The following JMJD6 variants were observed in gnomAD, a reference collection of about 807,000 sequenced individuals.
The protein encoded by JMJD6 is bifunctional arginine demethylase and lysyl-hydroxylase JMJD6.
Under a neutral mutation model 45.8 loss-of-function variants are expected in JMJD6, and 17 were observed. The observed-to-expected ratio is 0.37, with a 90% confidence interval of 0.25 to 0.56. The LOEUF is 0.56. JMJD6 is among the 20% of genes least tolerant of loss of function. The pLI is 0.79. For synonymous variants in JMJD6, 221 were observed against 196.3 expected (o/e 1.13, Z -1.05); for missense variants, 470 against 517.5 (o/e 0.91, Z 0.89).
chr17:76,716,459 G>A, downstream of JMJD6: 1 of 529,910 alleles, frequency 1.9e-6, no homozygotes, highest in East Asian at 3.1e-5. Flanking sequence ...CATCCCATTA[G>A]CTTCAGTGTT....
intron 4 of JMJD6, chr17:76,721,088 G>C (rs558857084): frequency 5.7e-6 from 1 of 176,074 alleles, no homozygotes; most frequent in Non-Finnish European, 1.3e-5. Flanking sequence ...AGTGACAAAA[G>C]ACCTGTTGTA....
At position 76,725,493 on chromosome 17, in the gene JMJD6, A is replaced by G; in HGVS notation, c.492T>C (p.Ala164=). 1 of 1,612,838 alleles carries G rather than the reference A, an allele frequency of 6.2e-7. No individual in the cohort carries two copies. Residue 164 remains alanine (A), a synonymous_variant, in exon 2 of 6, where the codon GCT becomes GCC. Transcript: ENST00000397625. The part of the protein sequence containing the change: ...KFFTDDLFQY[A]GEKRRPPYRW... Reference sequence around the variant, plus strand: ...TGTAAGGGGGCCTGCGCTTCTCCCCAGCATACTGGAAAAGGTCATCAGTGA... The same window carrying G: ...TGTAAGGGGGCCTGCGCTTCTCCCCGGCATACTGGAAAAGGTCATCAGTGA...
chr17:76,724,493 G>A (rs1484921870), intron 2 of JMJD6, among the ~76,000 whole-genome samples: 1 of 152,056 alleles, frequency 6.6e-6, no homozygotes, highest in East Asian at 1.9e-4. Flanking sequence ...GAAACACTGG[G>A]TGCATTGTTC....
Position 76,726,508 on chromosome 17 carries a change from C to G in JMJD6, c.-33G>C, listed in dbSNP as rs1047034478. The G allele has an allele frequency of 6.3e-7, 1 of 1,575,916 alleles. No individual in the cohort carries two copies. Among genetic ancestry groups the G allele is most frequent in the Non-Finnish European group, 8.6e-7 (1 of 1,162,428 alleles). On this transcript the variant is annotated 5_prime_UTR_variant, in exon 1 of 6. Coordinates refer to ENST00000397625, the MANE Select transcript of JMJD6 (RefSeq NM_015167.3). ...GGTCGCCAGCTGGTTCCGCTACGAC[C>G]TCGGCGCAGCCCGCTTCCTGACACT...
intron 5 of JMJD6, 38 bp from the exon 6 acceptor site, chr17:76,718,898 G>T: frequency 6.3e-7 from 1 of 1,597,696 alleles, no homozygotes; most frequent in Non-Finnish European, 8.5e-7. Flanking sequence ...AGTCAACCTG[G>T]ATGCAACCCA....
chr17:76,717,939 C>G (rs914043222), downstream of JMJD6, among the ~76,000 whole-genome samples: 6 of 150,846 alleles, frequency 4.0e-5, no homozygotes, highest in African/African-American at 1.2e-4. Flanking sequence ...TACAATAAGC[C>G]GAGATCGCAT....
At position 76,726,410 on chromosome 17, in the gene JMJD6, G is replaced by C. The variant is rs2076936759; in HGVS notation, c.66C>G (p.Asp22Glu). The change falls in exon 1 of 6, where the codon GAC becomes GAG. Residue 22 changes from aspartate to glutamate, a missense_variant. Transcript: ENST00000397625. The part of the protein sequence containing the change: ...AKRSARPELK[D>E]SLDWTRHNYY... ...AGTTGTGCCGGGTCCAATCCAGCGA[G>C]TCCTTGAGCTCCGGCCGCGCACTCC... 2 of 1,605,306 alleles carry C rather than the reference G, an allele frequency of 1.2e-6. No individual in the cohort carries two copies. The highest frequency in any genetic ancestry group is 1.7e-5 in the Admixed American group (1 of 59,472).
Position 76,725,791 on chromosome 17 carries a change from C to G in JMJD6, c.194G>C (p.Arg65Thr). Residue 65 changes from arginine to threonine, a missense_variant, in exon 2 of 6, where the codon AGA (arginine) becomes ACA (threonine). Around this residue, in one of 4 missense-constraint regions of JMJD6, gnomAD observed 346 missense variants for 339.5 expected, o/e 1.02. Transcript: ENST00000397625. ...SVEEFVERYE[R>T]PYKPVVLLNA... ...CAACAAAACCACGGGCTTGTAAGGT[C>G]TTTCATACCGCTCCACAAATTCTTC... The G allele has an allele frequency of 6.2e-7, 1 of 1,613,888 alleles. No homozygotes were observed. The highest frequency in any genetic ancestry group is 8.5e-7 in the Non-Finnish European group (1 of 1,179,998).
At position 76,725,679 on chromosome 17, in the gene JMJD6, A is replaced by G. The variant is rs2076909511; in HGVS notation, c.306T>C (p.Gly102=). 1.2e-6 allele frequency: 2 copies of G among 1,613,952 alleles called. No homozygotes were observed. Among genetic ancestry groups the G allele is most frequent in the South Asian group, 2.2e-5 (2 of 91,074 alleles). ...TCACTGAGTAGCCATCGTTATCCTCACCACACTTGAACTTCTGGTTCCGAT... is the reference window on the plus strand; with the variant it reads ...TCACTGAGTAGCCATCGTTATCCTCGCCACACTTGAACTTCTGGTTCCGAT... ...RKYRNQKFKC[G]EDNDGYSVKM... Residue 102 remains glycine, a synonymous_variant, in exon 2 of 6, where the codon GGT becomes GGC. Transcript: ENST00000397625.
In JMJD6 at chr17:76,723,963, C is replaced by T. The variant is rs765486191; in HGVS notation, c.614G>A (p.Arg205His). ...AGTGCTGGTAGGAAACAGGCACCAG[C>T]GCTTGTGGCCCTGAACTAAGGCATT... Reference protein sequence around the residue: ...AWNALVQGHKRWCLFPTSTPR... With the variant: ...AWNALVQGHKHWCLFPTSTPR... Residue 205 changes from arginine to histidine, a missense_variant, in exon 3 of 6, where the codon CGC becomes CAC. Physicochemically the swap from Arg to His is conservative, Grantham distance 29. Transcript: ENST00000397625. The T allele has an allele frequency of 6.8e-6, 11 of 1,614,094 alleles. No homozygotes were observed. The highest frequency in any genetic ancestry group is 2.2e-5 in the South Asian group (2 of 91,076).
In JMJD6 at chr17:76,723,949, G is replaced by T. The variant is rs1301083029; in HGVS notation, c.628C>A (p.Pro210Thr). The change falls in exon 3 of 6, where the codon CCT (proline) becomes ACT (threonine). Residue 210 changes from proline to threonine, a missense_variant. This residue lies in a region of JMJD6 where 346 missense variants were observed against 339.5 expected (regional missense o/e 1.02). Transcript: ENST00000397625. ...VQGHKRWCLF[P>T]TSTPRELIKV... ...ATGAGTTCCCTGGGAGTGCTGGTAG[G>T]AAACAGGCACCAGCGCTTGTGGCCC... 6.2e-7 allele frequency: 1 copy of T among 1,613,998 alleles called. No homozygotes were observed. The highest frequency in any genetic ancestry group is 2.2e-5 in the East Asian group (1 of 44,902).
chr17:76,723,032 CTCT>C (rs2076847891), intron 3 of JMJD6, among the ~76,000 whole-genome samples: 2 of 151,028 alleles, frequency 1.3e-5, no homozygotes, highest in Admixed American at 1.3e-4. Flanking sequence ...CTGCAGCCTC[CTCT>C]TCCGGATTCA....
At chr17:76,720,327 G>A in intron 5 of JMJD6, 33 bp downstream of exon 5, 2 of 1,606,112 alleles carry the variant, frequency 1.2e-6, no homozygotes, top group Non-Finnish European at 1.7e-6. Context: ...AGCCTTGGAG[G>A]CTCCAGGAGT....
At position 76,718,512 on chromosome 17, in the gene JMJD6, C is replaced by G; in HGVS notation, c.*217G>C. 7.4e-7 allele frequency: 1 copy of G among 1,358,848 alleles called. No individual in the cohort carries two copies. The highest frequency in any genetic ancestry group is 9.4e-7 in the Non-Finnish European group (1 of 1,059,332). 84.2% of individuals were successfully genotyped at this position (1,358,848 alleles called of 1,614,324 possible). ...GGATTTTCTTGGCACTATTCACATTCTCTTGCCTGAGTAAAACAAGCCGCG... is the reference window on the plus strand; with the variant it reads ...GGATTTTCTTGGCACTATTCACATTGTCTTGCCTGAGTAAAACAAGCCGCG... On this transcript the variant is annotated 3_prime_UTR_variant, in exon 6 of 6. Transcript: ENST00000397625.
Position 76,718,698 on chromosome 17 carries a change from G to A in JMJD6, c.*31C>T, listed in dbSNP as rs757325965. ...CAGGCCCTGCCCTTGCCGCGAGCGT[G>A]TCCTTCCATACAGACAACAGCCTTG... On this transcript the variant is annotated 3_prime_UTR_variant, in exon 6 of 6. Transcript: ENST00000397625. 4 of 1,610,540 alleles carry A rather than the reference G, an allele frequency of 2.5e-6. No individual in the cohort carries two copies. The South Asian group carries it at 3.3e-5, about 13-fold the overall frequency.
At chr17:76,725,125 C>T (rs1264099964) in intron 2 of JMJD6, among the ~76,000 whole-genome samples, 1 of 152,120 alleles carries the variant, frequency 6.6e-6, no homozygotes, top group East Asian at 1.9e-4. Context: ...ATTTTAACCA[C>T]AGGCCGGGCG....
downstream of JMJD6, chr17:76,718,371 C>A: frequency 9.4e-7 from 1 of 1,063,716 alleles, no homozygotes; most frequent in Non-Finnish European, 1.2e-6. Flanking sequence ...GCAGGAGTCA[C>A]TGCTTTCCCC....
At chr17:76,720,540 T>C (rs1456780088) in intron 4 of JMJD6, 42 bp from the exon 5 acceptor site, 2 of 1,605,068 alleles carry the variant, frequency 1.2e-6, no homozygotes, top group Non-Finnish European at 1.7e-6. Flanking sequence ...CTGACAGCCA[T>C]ACCCACTCAC....
chr17:76,714,538 C>T (rs1361598944), downstream of JMJD6: 1 of 152,338 alleles, frequency 6.6e-6, no homozygotes, highest in Non-Finnish European at 1.5e-5. Flanking sequence ...GGTTTCCCCA[C>T]CTTGCCCCTG....
Sources: allele counts gnomAD v4.1 joint callset (sites outside exome capture counted in the v4.1 genomes callset), GRCh38; gene constraint gnomAD v4.1.1; regional missense constraint gnomAD v4.1.1; transcripts MANE v1.5; gene names NCBI Gene and HGNC (gene_info 2026-07-23, HGNC 2026-07-21).